Variants in SH3RF3 observed in about 807,000 individuals in gnomAD.
SH3RF3 encodes the protein SH3 domain containing ring finger 3, also known as E3 ubiquitin-protein ligase SH3RF3.
A neutral mutation model predicts 66.3 loss-of-function variants in SH3RF3; 29 were observed. The ratio of observed to expected loss-of-function variants is 0.44; its 90% CI spans 0.33 to 0.60. The LOEUF is 0.60. Among genes scored for constraint, SH3RF3 ranks in the 20% least tolerant of loss-of-function variants. The pLI, the probability that SH3RF3 is intolerant of heterozygous loss-of-function variation, is 0.04. For missense variants in SH3RF3, 1,194 were observed against 1,190.9 expected (o/e 1.00, Z -0.04); for synonymous variants, 583 against 532.0 (o/e 1.10, Z -1.32).
intron 1 of SH3RF3, among the ~76,000 whole-genome samples, chr2:109,280,290 C>T (rs1405344713): frequency 6.6e-6 from 1 of 152,204 alleles, no homozygotes; most frequent in African/African-American, 2.4e-5. Context: ...AGGCCTTTCC[C>T]CTCATTTTAC....
intron 1 of SH3RF3, among the ~76,000 whole-genome samples, chr2:109,217,997 G>A (rs1260134857): frequency 1.3e-5 from 2 of 152,164 alleles, no homozygotes; most frequent in African/African-American, 4.8e-5. Flanking sequence ...ACAGGTGTGC[G>A]GACTCGAGTT....
chr2:109,246,349 C>T (rs28647580), intron 1 of SH3RF3, among the ~76,000 whole-genome samples: 1,758 of 152,238 alleles, frequency 0.012, 41 homozygotes, highest in African/African-American at 0.04. Flanking sequence ...CTGTGTCCTC[C>T]CATGGTAGAG....
intron 1 of SH3RF3, among the ~76,000 whole-genome samples, chr2:109,340,340 A>G (rs1032291087): frequency 2.0e-5 from 3 of 152,210 alleles, no homozygotes; most frequent in Non-Finnish European, 4.4e-5. Context: ...GCAGGCACAC[A>G]GGAGGTGCTC....
intron 1 of SH3RF3, among the ~76,000 whole-genome samples, chr2:109,254,894 G>A (rs1680183206): frequency 6.6e-6 from 1 of 152,206 alleles, no homozygotes; most frequent in Admixed American, 6.5e-5. Context: ...CAGCGAGACA[G>A]TACGCTCCAT....
chr2:109,284,690 C>T, intron 1 of SH3RF3, among the ~76,000 whole-genome samples: 1 of 152,098 alleles, frequency 6.6e-6, no homozygotes, highest in Non-Finnish European at 1.5e-5. Flanking sequence ...TTTTTGAGAC[C>T]CTTCCCAGTC....
At chr2:109,164,273 C>G (rs1677563953) in intron 1 of SH3RF3, among the ~76,000 whole-genome samples, 1 of 152,060 alleles carries the variant, frequency 6.6e-6, no homozygotes, top group African/African-American at 2.4e-5. Flanking sequence ...GCCTCGGCCT[C>G]CTGGGCTCAA....
chr2:109,184,434 A>G (rs1402719078), intron 1 of SH3RF3, among the ~76,000 whole-genome samples: 1 of 152,126 alleles, frequency 6.6e-6, no homozygotes, highest in Admixed American at 6.5e-5. Flanking sequence ...GGTCTTTGCT[A>G]TTGCTGTGGC....
chr2:109,170,538 G>T (rs1211642204), intron 1 of SH3RF3, among the ~76,000 whole-genome samples: 2 of 151,972 alleles, frequency 1.3e-5, no homozygotes, highest in East Asian at 3.9e-4. Context: ...TAGAGATGGG[G>T]TTTCACTATG....
intron 9 of SH3RF3, among the ~76,000 whole-genome samples, chr2:109,491,232 A>T (rs1679124772): frequency 6.6e-6 from 1 of 152,070 alleles, no homozygotes; most frequent in African/African-American, 2.4e-5. Context: ...ATAGTGGGAG[A>T]CTAGGCAGTG....
intron 1 of SH3RF3, among the ~76,000 whole-genome samples, chr2:109,195,505 T>G (rs1327546072): frequency 2.0e-5 from 3 of 152,234 alleles, no homozygotes; most frequent in African/African-American, 4.8e-5. Flanking sequence ...GGCTTTATTT[T>G]GGAAACCTAC....
intron 1 of SH3RF3, among the ~76,000 whole-genome samples, chr2:109,149,322 T>G (rs1389634093): frequency 6.6e-6 from 1 of 152,224 alleles, no homozygotes; most frequent in African/African-American, 2.4e-5. Flanking sequence ...TCTCTTTGGC[T>G]TGACTTGAGC....
intron 8 of SH3RF3, among the ~76,000 whole-genome samples, chr2:109,471,442 A>C (rs1382474792): frequency 2.0e-5 from 3 of 152,154 alleles, no homozygotes; most frequent in Admixed American, 2.0e-4. Flanking sequence ...CTCACTCACT[A>C]TCACAAGAAC....
chr2:109,436,324 C>A (rs1677396005), intron 6 of SH3RF3, among the ~76,000 whole-genome samples: 1 of 152,202 alleles, frequency 6.6e-6, no homozygotes, highest in Non-Finnish European at 1.5e-5. Flanking sequence ...CAGAGTGTTC[C>A]TCTTGTGTGA....
intron 2 of SH3RF3, among the ~76,000 whole-genome samples, chr2:109,350,270 G>T (rs1455406164): frequency 2.0e-5 from 3 of 152,220 alleles, no homozygotes; most frequent in Non-Finnish European, 4.4e-5. Flanking sequence ...GTGACCTCTT[G>T]GTTGAATTGA....
intron 1 of SH3RF3, among the ~76,000 whole-genome samples, chr2:109,195,607 G>C (rs530038735): frequency 4.0e-4 from 61 of 152,282 alleles, no homozygotes; most frequent in African/African-American, 1.4e-3. Context: ...TTTTTGCATC[G>C]TTTTCTGGAA....
At chr2:109,164,346 C>T (rs964429557) in intron 1 of SH3RF3, among the ~76,000 whole-genome samples, 5 of 152,120 alleles carry the variant, frequency 3.3e-5, no homozygotes, top group Non-Finnish European at 7.3e-5. Flanking sequence ...CAACCCCTGG[C>T]TAATTTTTAA....
chr2:109,484,357 C>A (rs893888291), intron 8 of SH3RF3, among the ~76,000 whole-genome samples: 5 of 152,258 alleles, frequency 3.3e-5, no homozygotes, highest in South Asian at 2.1e-4. Context: ...ATGAGCCACC[C>A]TGCCTGGTCA....
chr2:109,387,292 G>A (rs546022884), intron 3 of SH3RF3, among the ~76,000 whole-genome samples: 55 of 152,218 alleles, frequency 3.6e-4, no homozygotes, highest in African/African-American at 1.3e-3. Context: ...TTTTCTCAGC[G>A]CCAGGGCCGG....
chr2:109,130,299 G>C (rs1425992435), intron 1 of SH3RF3, among the ~76,000 whole-genome samples, 186 bp downstream of exon 1: 8 of 152,194 alleles, frequency 5.3e-5, no homozygotes, highest in Non-Finnish European at 1.5e-5. Flanking sequence ...GCAGCTCGCC[G>C]CTTGTTCACG....
Sources: allele counts gnomAD v4.1 joint callset (sites outside exome capture counted in the v4.1 genomes callset), GRCh38; gene constraint gnomAD v4.1.1; transcripts MANE v1.5; gene names NCBI Gene and HGNC (gene_info 2026-07-23, HGNC 2026-07-21).